PKHD1L1: variants seen among roughly 807,000 people sequenced by gnomAD.
PKHD1L1 encodes fibrocystin-L.
Under a neutral mutation model 462.9 loss-of-function variants are expected in PKHD1L1, and 434 were observed. The ratio of observed to expected loss-of-function variants is 0.94; its 90% CI spans 0.87 to 1.02. PKHD1L1 has a LOEUF of 1.02. Among genes scored for constraint, PKHD1L1 ranks in the 50% least tolerant of loss-of-function variants. The pLI is 0.00. For synonymous variants in PKHD1L1, 1,781 were observed against 1,750.0 expected (o/e 1.02, Z -0.44); for missense variants, 5,202 against 5,096.1 (o/e 1.02, Z -0.63).
chr8:109,404,469 T>C, intron 14 of PKHD1L1, 85 bp from the exon 15 acceptor site: 2 of 760,974 alleles, frequency 2.6e-6, no homozygotes, highest in South Asian at 4.3e-5. Flanking sequence ...GCTTTTAAGA[T>C]AATATTGATA....
intron 39 of PKHD1L1, 58 bp from the exon 40 acceptor site, chr8:109,449,280 C>A: frequency 6.8e-7 from 1 of 1,465,724 alleles, no homozygotes; most frequent in South Asian, 1.4e-5. Flanking sequence ...AAAATATGTA[C>A]ACAGAAGAAG....
intron 4 of PKHD1L1, 46 bp from the exon 5 acceptor site, chr8:109,384,024 A>C: frequency 7.7e-7 from 1 of 1,303,338 alleles, no homozygotes; most frequent in Non-Finnish European, 1.1e-6. Flanking sequence ...CAAAACTAGA[A>C]ACAAAACAGA....
chr8:109,465,787 T>C (rs529650528), intron 49 of PKHD1L1, among the ~76,000 whole-genome samples: 1 of 152,340 alleles, frequency 6.6e-6, no homozygotes, highest in South Asian at 2.1e-4. Flanking sequence ...AAATTTGTAA[T>C]TTATTCAAAG....
chr8:109,438,552 T>C (rs773401358), intron 31 of PKHD1L1, 96 bp downstream of exon 31: 32 of 1,190,876 alleles, frequency 2.7e-5, no homozygotes, highest in Non-Finnish European at 3.7e-5. Flanking sequence ...TAGTTTTGTT[T>C]CTTAAAGTGA....
intron 17 of PKHD1L1, among the ~76,000 whole-genome samples, chr8:109,407,734 T>C (rs1277398444): frequency 6.6e-6 from 1 of 152,164 alleles, no homozygotes; most frequent in East Asian, 1.9e-4. Flanking sequence ...TTTTGGAATA[T>C]CCTACTACTC....
chr8:109,395,214 G>A (rs1252284511), intron 10 of PKHD1L1, among the ~76,000 whole-genome samples: 3 of 152,196 alleles, frequency 2.0e-5, no homozygotes, highest in Non-Finnish European at 4.4e-5. Context: ...AGCTGTCTGA[G>A]ATTTATGCTC....
At chr8:109,383,326 ATAT>A (rs1377406312) in intron 4 of PKHD1L1, among the ~76,000 whole-genome samples, 9 of 109,584 alleles carry the variant, frequency 8.2e-5, no homozygotes, top group Non-Finnish European at 1.4e-4. Flanking sequence ...TATATAATTA[ATAT>A]TATATATAAT....
chr8:109,374,098 TG>T lies in PKHD1L1; in HGVS notation c.164-7268del, dbSNP rs756272872. Among the ~76,000 whole-genome samples the T allele has an allele frequency of 2.0e-5, 3 of 152,246 alleles. 1 individual carries two copies. ...TCGTTGATCTGTCTAATGTTGACAG[TG>T]GGGTGTTAGACTCCCATTATTATTG... is the stretch of plus-strand genomic sequence containing the variant. On this transcript the variant is annotated intron_variant, in intron 2 of 77. Coordinates refer to ENST00000378402, the MANE Select transcript of PKHD1L1 (RefSeq NM_177531.6).
At chr8:109,513,777 G>A (rs904443435) in intron 71 of PKHD1L1, among the ~76,000 whole-genome samples, 2 of 152,022 alleles carry the variant, frequency 1.3e-5, no homozygotes, top group African/African-American at 4.8e-5. Flanking sequence ...CCATCTGCAA[G>A]TTGTTTTGAG....
At chr8:109,383,691 A>G (rs865805341) in intron 4 of PKHD1L1, among the ~76,000 whole-genome samples, 27 of 151,562 alleles carry the variant, frequency 1.8e-4, no homozygotes, top group South Asian at 1.2e-3. Context: ...CAGACGTGGA[A>G]CTCTGTTTGG....
At chr8:109,498,884 C>A in intron 67 of PKHD1L1, 113 bp downstream of exon 67, 2 of 908,422 alleles carry the variant, frequency 2.2e-6, no homozygotes, top group Non-Finnish European at 3.3e-6. Flanking sequence ...ATTTTTATAG[C>A]AATCTGCTCA....
chr8:109,485,038 T>C lies in PKHD1L1; in HGVS notation c.9577-6T>C, dbSNP rs201313517. 7.0e-6 allele frequency: 11 copies of C among 1,567,708 alleles called. No individual in the cohort carries two copies. In the South Asian group the frequency reaches 1.1e-4, roughly 16 times the overall value. On this transcript the variant is annotated splice_region_variant and splice_polypyrimidine_tract_variant and intron_variant, in intron 57 of 77. Coordinates refer to ENST00000378402, the MANE Select transcript of PKHD1L1 (RefSeq NM_177531.6). ...TTCTTAAATTTGGCACTTGAATTTT[T>C]CTAAGGAGGGAGAAGAGATTGTGAT...
intron 38 of PKHD1L1, among the ~76,000 whole-genome samples, chr8:109,446,854 G>A (rs768086539): frequency 6.6e-6 from 1 of 152,074 alleles, no homozygotes; most frequent in African/African-American, 2.4e-5. Context: ...TGAGAACAAC[G>A]CTGTTCCATT....
chr8:109,398,076 G>A (rs987533867), intron 11 of PKHD1L1, among the ~76,000 whole-genome samples: 1 of 151,958 alleles, frequency 6.6e-6, no homozygotes, highest in African/African-American at 2.4e-5. Flanking sequence ...GAGGTCTAGG[G>A]TCATCTACCT....
At chr8:109,501,790 T>A (rs2130955497) in intron 67 of PKHD1L1, among the ~76,000 whole-genome samples, 1 of 152,320 alleles carries the variant, frequency 6.6e-6, no homozygotes, top group Non-Finnish European at 1.5e-5. Flanking sequence ...CCTGCCCATT[T>A]GGTTTTTCAG....
chr8:109,480,138 A>T lies in PKHD1L1; in HGVS notation c.9326A>T (p.Gln3109Leu). The T allele has an allele frequency of 6.4e-7, 1 of 1,556,242 alleles. No individual in the cohort carries two copies. The stretch of plus-strand genomic sequence containing the variant: ...TTGAATGCTACCTACATATCACTGC[A>T]GGTAAGAGTGAGGGCCTTGTAGTTT... ...VVLNATYISLQGGRLIGGWED... is the reference protein window; with the variant it reads ...VVLNATYISLLGGRLIGGWED... The change falls in exon 55 of 78, where the codon CAG becomes CTG. Residue 3109 changes from glutamine (Q) to leucine (L), a missense_variant and splice_region_variant. Coordinates refer to ENST00000378402, the MANE Select transcript of PKHD1L1 (RefSeq NM_177531.6).
At position 109,412,249 on chromosome 8, in the gene PKHD1L1, A is replaced by T. The variant is rs759182119; in HGVS notation, c.2086-16A>T. On this transcript the variant is annotated splice_polypyrimidine_tract_variant and intron_variant, in intron 19 of 77. Transcript: ENST00000378402. The stretch of plus-strand genomic sequence containing the variant: ...AATAAATCATGTTTTCATTTGAAAT[A>T]TTATTGTTTCGGTAGGAACATATTA... 2 of 1,611,380 alleles carry T rather than the reference A, an allele frequency of 1.2e-6. No individual in the cohort carries two copies. The highest frequency in any genetic ancestry group is 1.7e-4 in the Middle Eastern group (1 of 6,042).
rs560903072 is a variant in PKHD1L1 at position 109,516,914 on chromosome 8, C to T, written c.11690-1253C>T. ...TAATTAATAGTGGAATAAGGCACTT[C>T]GCTTCTTATCACATTTCATTGTGAG... On this transcript the variant is annotated intron_variant, in intron 72 of 77. Coordinates refer to ENST00000378402, the MANE Select transcript of PKHD1L1 (RefSeq NM_177531.6). Among the ~76,000 whole-genome samples, 5 of 152,120 alleles carry T rather than the reference C, an allele frequency of 3.3e-5. No individual in the cohort carries two copies. The South Asian group carries it at 6.2e-4, about 19-fold the overall frequency.
chr8:109,472,172 A>G (rs1433651885), intron 50 of PKHD1L1, among the ~76,000 whole-genome samples: 1 of 152,128 alleles, frequency 6.6e-6, no homozygotes, highest in Non-Finnish European at 1.5e-5. Flanking sequence ...ACATGATAAG[A>G]CATTTTGTTT....
Sources: allele counts gnomAD v4.1 joint callset (sites outside exome capture counted in the v4.1 genomes callset), GRCh38; gene constraint gnomAD v4.1.1; transcripts MANE v1.5; gene names NCBI Gene and HGNC (gene_info 2026-07-23, HGNC 2026-07-21).